The following CNKSR3 variants were observed in gnomAD, a reference collection of about 807,000 sequenced individuals.
CNKSR3 encodes CNKSR family member 3.
A neutral mutation model predicts 67.7 loss-of-function variants in CNKSR3; 36 were observed. That is an observed-to-expected ratio of 0.53 (90% confidence interval 0.41 to 0.70). The LOEUF (loss-of-function observed/expected upper bound fraction) is 0.70. Among genes scored for constraint, CNKSR3 ranks in the 30% least tolerant of loss-of-function variants. The pLI is 0.00. For missense variants in CNKSR3, 630 were observed against 695.2 expected (o/e 0.91, Z 1.05); for synonymous variants, 281 against 271.4 (o/e 1.04, Z -0.35).
At chr6:154,471,984 C>T (rs752986610) in intron 1 of CNKSR3, among the ~76,000 whole-genome samples, 8 of 152,182 alleles carry the variant, frequency 5.3e-5, no homozygotes, top group Non-Finnish European at 1.0e-4. Context: ...AATAAGTCTG[C>T]CCATTCTCTA....
At chr6:154,416,065 G>A (rs1785018663) in intron 9 of CNKSR3, among the ~76,000 whole-genome samples, 1 of 152,166 alleles carries the variant, frequency 6.6e-6, no homozygotes, top group Non-Finnish European at 1.5e-5. Flanking sequence ...TAGATCACTT[G>A]AGCTCGAGAG....
chr6:154,472,603 C>T (rs1370277368), intron 1 of CNKSR3, among the ~76,000 whole-genome samples: 2 of 152,064 alleles, frequency 1.3e-5, no homozygotes, highest in Non-Finnish European at 2.9e-5. Context: ...AACAACAAAC[C>T]CCATGAAAAC....
rs1452176719 is a variant in CNKSR3 at position 154,395,827 on chromosome 6, C to T, written c.*10527G>A. On this transcript the variant is annotated 3_prime_UTR_variant, in exon 13 of 13. Transcript: ENST00000607772. Reference sequence around the variant, plus strand: ...TGGGCTTACTGCAGCCTCTACCTCTCAGGCTCAAGAGATCCTCCCATCTCA... The same window carrying T: ...TGGGCTTACTGCAGCCTCTACCTCTTAGGCTCAAGAGATCCTCCCATCTCA... 8 of 152,328 alleles carry T rather than the reference C, an allele frequency of 5.3e-5. No individual in the cohort carries two copies. Among genetic ancestry groups the T allele is most frequent in the African/African-American group, 1.9e-4 (8 of 41,432 alleles). The allele number at this position is 152,328 out of a possible 1,614,324, so 9.4% of individuals were successfully genotyped here.
At chr6:154,509,074 C>A (rs911740549) in intron 1 of CNKSR3, among the ~76,000 whole-genome samples, 17 of 151,930 alleles carry the variant, frequency 1.1e-4, no homozygotes, top group Admixed American at 1.1e-3. Context: ...GAACACCATT[C>A]CTCACCTGGA....
chr6:154,484,393 C>G (rs1005146409), intron 1 of CNKSR3, among the ~76,000 whole-genome samples: 7 of 152,132 alleles, frequency 4.6e-5, no homozygotes, highest in Non-Finnish European at 7.4e-5. Flanking sequence ...CTGCCTCATA[C>G]CCAGTATTTG....
intron 7 of CNKSR3, 23 bp from the exon 8 acceptor site, chr6:154,423,006 G>C (rs1202386436): frequency 5.3e-6 from 8 of 1,518,614 alleles, no homozygotes; most frequent in Non-Finnish European, 7.2e-6. Flanking sequence ...AAAATAACCT[G>C]CCTTAATTCT....
At chr6:154,487,908 A>G (rs1389537472) in intron 1 of CNKSR3, among the ~76,000 whole-genome samples, 1 of 152,236 alleles carries the variant, frequency 6.6e-6, no homozygotes, top group African/African-American at 2.4e-5. Context: ...CATCTCAAGG[A>G]CAAATGTTAA....
chr6:154,444,338 A>T (rs1293681070), intron 2 of CNKSR3, among the ~76,000 whole-genome samples: 1 of 152,198 alleles, frequency 6.6e-6, no homozygotes, highest in Non-Finnish European at 1.5e-5. Context: ...AACAGTAAAT[A>T]AATTCTCCAA....
At chr6:154,502,549 G>C (rs1787020739) in intron 1 of CNKSR3, among the ~76,000 whole-genome samples, 1 of 152,140 alleles carries the variant, frequency 6.6e-6, no homozygotes, top group South Asian at 2.1e-4. Flanking sequence ...GGATAGAGCA[G>C]AAACCAGGGA....
chr6:154,431,687 G>A (rs62432696), intron 5 of CNKSR3, among the ~76,000 whole-genome samples: 1 of 151,820 alleles, frequency 6.6e-6, no homozygotes, highest in Non-Finnish European at 1.5e-5. Context: ...TGAACCCCTG[G>A]CAAACATAGA....
Position 154,399,075 on chromosome 6 carries a change from G to A in CNKSR3, c.*7279C>T, listed in dbSNP as rs1338984704. 2.8e-5 allele frequency: 4 copies of A among 143,180 alleles called. No individual in the cohort carries two copies. Among genetic ancestry groups the A allele is most frequent in the Admixed American group, 7.5e-5 (1 of 13,352 alleles). 8.9% of individuals were successfully genotyped at this position (143,180 alleles called of 1,614,324 possible). A position where few individuals can be genotyped will look rare whatever the true frequency, so the allele number is the denominator to read the frequency against. On this transcript the variant is annotated 3_prime_UTR_variant, in exon 13 of 13. Transcript: ENST00000607772. The stretch of plus-strand genomic sequence containing the variant: ...GCCTGGGCAACAAGACTGAAACTCC[G>A]TCTCAAAAAAAAAAAAAAAAGTGTG...
rs576322725 is a variant in CNKSR3, at chr6:154,394,529, T to C, written c.*11825A>G. 18 of 149,482 alleles carry C rather than the reference T, an allele frequency of 1.2e-4. No homozygotes were observed. The highest frequency in any genetic ancestry group is 8.0e-4 in the Admixed American group (12 of 15,018). The allele number at this position is 149,482 out of a possible 1,614,324, so 9.3% of individuals were successfully genotyped here. A position where few individuals can be genotyped will look rare whatever the true frequency, so the allele number is the denominator to read the frequency against. Reference sequence around the variant, plus strand: ...CAACCTGGAACATCCAAAGTGGACGTTGATGAGGAAAATGTAAACTCTTAG... The same window carrying C: ...CAACCTGGAACATCCAAAGTGGACGCTGATGAGGAAAATGTAAACTCTTAG... On this transcript the variant is annotated 3_prime_UTR_variant, in exon 13 of 13. Transcript: ENST00000607772.
chr6:154,410,986 C>A lies in CNKSR3; in HGVS notation c.1227G>T (p.Ser409=), dbSNP rs751859435. Reference sequence around the variant, plus strand: ...TTGTGGGCAGAATGTTGGTTTCCACCGAGTACCCAGGCAACTGATCCGAGT... The same window carrying A: ...TTGTGGGCAGAATGTTGGTTTCCACAGAGTACCCAGGCAACTGATCCGAGT... ...IADSDQLPGY[S]VETNILPTKM... The change falls in exon 11 of 13, where the codon TCG becomes TCT. Residue 409 remains serine (S), a synonymous_variant. Transcript: ENST00000607772. 4 of 1,613,936 alleles carry A rather than the reference C, an allele frequency of 2.5e-6. No homozygotes were observed. Among genetic ancestry groups the A allele is most frequent in the South Asian group, 1.1e-5 (1 of 91,026 alleles).
intron 6 of CNKSR3, among the ~76,000 whole-genome samples, chr6:154,429,229 T>C (rs1047474157): frequency 1.3e-5 from 2 of 152,222 alleles, no homozygotes; most frequent in Non-Finnish European, 2.9e-5. Context: ...CTGGTATCTA[T>C]GCTGTAATAA....
At chr6:154,487,825 T>C (rs1327235653) in intron 1 of CNKSR3, among the ~76,000 whole-genome samples, 1 of 152,238 alleles carries the variant, frequency 6.6e-6, no homozygotes, top group East Asian at 1.9e-4. Context: ...TTTTACCTTC[T>C]TCCCTGTCAA....
intron 1 of CNKSR3, among the ~76,000 whole-genome samples, chr6:154,458,685 TC>T (rs373301092): frequency 1.4e-3 from 211 of 152,310 alleles, no homozygotes; most frequent in African/African-American, 4.8e-3. Flanking sequence ...CTGGCTGTAC[TC>T]CCTGTCCTGC....
At chr6:154,412,864 T>C (rs1397714489) in intron 10 of CNKSR3, among the ~76,000 whole-genome samples, 3 of 152,144 alleles carry the variant, frequency 2.0e-5, no homozygotes, top group African/African-American at 7.2e-5. Context: ...CAATATATGC[T>C]TGAATTGTTG....
rs1784903574 is a variant in CNKSR3, at chr6:154,411,122, A to C, written c.1091T>G (p.Val364Gly). The C allele has an allele frequency of 6.2e-7, 1 of 1,611,890 alleles. No individual in the cohort carries two copies. The highest frequency in any genetic ancestry group is 8.5e-7 in the Non-Finnish European group (1 of 1,178,282). The change falls in exon 11 of 13, where the codon GTT becomes GGT. Residue 364 changes from valine to glycine, a missense_variant. This residue lies in a region of CNKSR3 where 308 missense variants were observed against 299.6 expected (regional missense o/e 1.03). Coordinates refer to ENST00000607772, the MANE Select transcript of CNKSR3 (RefSeq NM_173515.4). ...YSPRDENGSF[V>G]YGGSSKCKQP... Reference sequence around the variant, plus strand: ...TTTGCACTTACTGGACCCTCCATAAACAAAACTGCCATTCTCATCCCTGGA... The same window carrying C: ...TTTGCACTTACTGGACCCTCCATAACCAAAACTGCCATTCTCATCCCTGGA...
chr6:154,507,692 G>A (rs1787128169), intron 1 of CNKSR3, among the ~76,000 whole-genome samples: 1 of 152,078 alleles, frequency 6.6e-6, no homozygotes, highest in African/African-American at 2.4e-5. Flanking sequence ...GGTCCAAAAG[G>A]GCACAGGCAT....
Sources: allele counts gnomAD v4.1 joint callset (sites outside exome capture counted in the v4.1 genomes callset), GRCh38; gene constraint gnomAD v4.1.1; regional missense constraint gnomAD v4.1.1; transcripts MANE v1.5; gene names NCBI Gene and HGNC (gene_info 2026-07-23, HGNC 2026-07-21).